The following PTPRM variants were observed in gnomAD, a reference collection of about 807,000 sequenced individuals.
PTPRM encodes the protein protein tyrosine phosphatase receptor type M, also known as receptor-type tyrosine-protein phosphatase mu.
A neutral mutation model predicts 186.7 loss-of-function variants in PTPRM; 47 were observed. That is an observed-to-expected ratio of 0.25 (90% CI 0.20 to 0.32). PTPRM has a LOEUF of 0.32. Among genes scored for constraint, PTPRM ranks in the 10% least tolerant of loss-of-function variants. The pLI, the probability that PTPRM is intolerant of heterozygous loss-of-function variation, is 1.00. For synonymous variants in PTPRM, 668 were observed against 674.9 expected, an observed-to-expected ratio of 0.99 and a Z score of 0.16; for missense variants, 1,494 against 1,865.0, an observed-to-expected ratio of 0.80 and a Z score of 3.66.
intron 7 of PTPRM, among the ~76,000 whole-genome samples, chr18:8,011,745 A>G (rs1224857880): frequency 2.6e-5 from 4 of 152,220 alleles, no homozygotes; most frequent in Non-Finnish European, 4.4e-5. Flanking sequence ...CATGGTGGCT[A>G]ATTAGTTCAA....
At chr18:7,614,281 G>A (rs1229799890) in intron 1 of PTPRM, among the ~76,000 whole-genome samples, 3 of 152,190 alleles carry the variant, frequency 2.0e-5, no homozygotes, top group Non-Finnish European at 4.4e-5. Flanking sequence ...ACAGGGCAAC[G>A]TGCCTGTGAT....
At chr18:7,747,564 C>T (rs1043867723) in intron 1 of PTPRM, 1 of 152,342 alleles carries the variant, frequency 6.6e-6, no homozygotes, top group Non-Finnish European at 1.5e-5. Context: ...TGTCCTGGCT[C>T]CTGGTGGTTT....
chr18:7,884,905 C>T lies in PTPRM; in HGVS notation c.197-3201C>T, dbSNP rs150196167. 9.4e-3 allele frequency among the ~76,000 whole-genome samples: 1,000 copies of T among 106,870 alleles called. 12 individuals carry two copies. Among genetic ancestry groups the T allele is most frequent in the African/African-American group, 0.035 (942 of 26,740 alleles). 70.1% of individuals were successfully genotyped at this position (106,870 alleles called of 152,430 possible). A position where few individuals can be genotyped will look rare whatever the true frequency, so the allele number is the denominator to read the frequency against. ...CGCCATTGCACTCCAGCCTGGGCGA[C>T]GAGAGCAAAGCTCCATCTCAAAAAA... is the stretch of plus-strand genomic sequence containing the variant. On this transcript the variant is annotated intron_variant, in intron 2 of 32. Transcript: ENST00000580170.
At chr18:7,588,024 T>A (rs960887419) in intron 1 of PTPRM, among the ~76,000 whole-genome samples, 11 of 152,182 alleles carry the variant, frequency 7.2e-5, no homozygotes, top group African/African-American at 2.7e-4. Flanking sequence ...TTAATAGAAT[T>A]AATCATATTT....
chr18:8,331,180 A>G lies in PTPRM; in HGVS notation c.2956+11966A>G, dbSNP rs546283426. Among the ~76,000 whole-genome samples the G allele has an allele frequency of 2.0e-5, 3 of 152,342 alleles. No individual in the cohort carries two copies. The East Asian group carries it at 5.8e-4, about 29-fold the overall frequency. On this transcript the variant is annotated intron_variant, in intron 22 of 32. Transcript: ENST00000580170. ...AACTGCTAGGGAGGTCCGATTCTAG[A>G]AGAGGACTGAATATCGCCCAAAAAG...
At chr18:7,678,403 A>G (rs550247245) in intron 1 of PTPRM, among the ~76,000 whole-genome samples, 5 of 152,276 alleles carry the variant, frequency 3.3e-5, no homozygotes, top group Admixed American at 2.0e-4. Context: ...ATTTGATTGC[A>G]TCAGGGATGG....
chr18:7,844,111 C>T (rs2046477315), intron 2 of PTPRM, among the ~76,000 whole-genome samples: 1 of 152,148 alleles, frequency 6.6e-6, no homozygotes, highest in Non-Finnish European at 1.5e-5. Context: ...GTTGTAAAGA[C>T]CCCACCAAGT....
intron 1 of PTPRM, among the ~76,000 whole-genome samples, chr18:7,682,500 T>G (rs1036158497): frequency 1.3e-5 from 2 of 152,246 alleles, no homozygotes; most frequent in Non-Finnish European, 2.9e-5. Context: ...ACCTGATTTA[T>G]TTTAGCTTTC....
At chr18:7,865,653 T>C (rs570183142) in intron 2 of PTPRM, among the ~76,000 whole-genome samples, 70 of 152,276 alleles carry the variant, frequency 4.6e-4, no homozygotes, top group Non-Finnish European at 9.1e-4. Flanking sequence ...TTTCTTTTTT[T>C]GTTGTGTCTC....
chr18:8,009,057 A>T (rs2084361305), intron 7 of PTPRM, among the ~76,000 whole-genome samples: 1 of 152,194 alleles, frequency 6.6e-6, no homozygotes, highest in Non-Finnish European at 1.5e-5. Flanking sequence ...GAGGGTTGGA[A>T]ACTTAAGCTG....
intron 1 of PTPRM, among the ~76,000 whole-genome samples, chr18:7,745,643 T>A (rs1420334661): frequency 2.0e-5 from 3 of 152,190 alleles, no homozygotes; most frequent in Non-Finnish European, 2.9e-5. Context: ...CTAGCATATG[T>A]ACTTGGCAGA....
At chr18:8,125,719 A>G (rs1021954847) in intron 13 of PTPRM, among the ~76,000 whole-genome samples, 7 of 151,814 alleles carry the variant, frequency 4.6e-5, no homozygotes, top group African/African-American at 1.7e-4. Flanking sequence ...TCCTACTCTA[A>G]AGAGTACACA....
intron 23 of PTPRM, among the ~76,000 whole-genome samples, chr18:8,359,543 C>T (rs187377334): frequency 6.6e-6 from 1 of 152,358 alleles, no homozygotes; most frequent in South Asian, 2.1e-4. Flanking sequence ...CTTGGGGCCT[C>T]TGTTGTGTCA....
chr18:8,219,840 G>A (rs1601303157), intron 14 of PTPRM, among the ~76,000 whole-genome samples: 1 of 152,196 alleles, frequency 6.6e-6, no homozygotes, highest in African/African-American at 2.4e-5. Context: ...GCAGTGGCTT[G>A]CAGGCATGAC....
At chr18:8,249,837 C>T (rs2094511035) in intron 17 of PTPRM, among the ~76,000 whole-genome samples, 1 of 152,110 alleles carries the variant, frequency 6.6e-6, no homozygotes, top group African/African-American at 2.4e-5. Context: ...AAATGATGCA[C>T]ATTGTAAAAA....
intron 1 of PTPRM, among the ~76,000 whole-genome samples, chr18:7,770,658 G>A (rs547694968): frequency 6.6e-6 from 1 of 152,292 alleles, no homozygotes; most frequent in South Asian, 2.1e-4. Context: ...GCTAACAGTG[G>A]AAGAATTGGG....
chr18:7,680,433 T>C (rs952863006), intron 1 of PTPRM, among the ~76,000 whole-genome samples: 1 of 152,214 alleles, frequency 6.6e-6, no homozygotes, highest in Non-Finnish European at 1.5e-5. Flanking sequence ...GTAAACACTT[T>C]ATTGATTGAT....
intron 14 of PTPRM, among the ~76,000 whole-genome samples, chr18:8,164,891 G>A (rs570156434): frequency 4.3e-4 from 17 of 39,864 alleles, no homozygotes; most frequent in African/African-American, 8.5e-4. Context: ...CTAAGGCCAG[G>A]CGCAGTGGCA....
chr18:7,594,507 A>G (rs1372322667), intron 1 of PTPRM, among the ~76,000 whole-genome samples: 1 of 151,394 alleles, frequency 6.6e-6, no homozygotes, highest in Non-Finnish European at 1.5e-5. Flanking sequence ...CCAAACAAAC[A>G]AAAAAAAGAA....
Sources: allele counts gnomAD v4.1 joint callset (sites outside exome capture counted in the v4.1 genomes callset), GRCh38; gene constraint gnomAD v4.1.1; transcripts MANE v1.5; gene names NCBI Gene and HGNC (gene_info 2026-07-23, HGNC 2026-07-21).